Variants in ATP9B observed in about 807,000 individuals in gnomAD.
ATP9B encodes probable phospholipid-transporting ATPase IIB.
Under a neutral mutation model 146.1 loss-of-function variants are expected in ATP9B, and 110 were observed. That is an observed-to-expected ratio of 0.75 (90% CI 0.65 to 0.88). ATP9B has a LOEUF of 0.88. ATP9B is among the 40% of genes least tolerant of loss of function. ATP9B has a pLI of 0.00. For synonymous variants in ATP9B, 604 were observed against 569.7 expected (o/e 1.06, Z -0.86); for missense variants, 1,499 against 1,496.4 (o/e 1.00, Z -0.03).
At chr18:79,245,657 T>TACCGCCCTAGTGACTGTGCGGAGGGC (rs1568483039) in intron 11 of ATP9B, among the ~76,000 whole-genome samples, 1 of 103,854 alleles carries the variant, frequency 9.6e-6, no homozygotes, top group African/African-American at 3.6e-5. Context: ...CTGAGGAGGG[T>TACCGCCCTAGTGACTGTGCGGAGGGC]ACCGCCCTAG....
chr18:79,156,593 T>C (rs55901040), intron 7 of ATP9B, among the ~76,000 whole-genome samples: 10,263 of 152,296 alleles, frequency 0.067, 416 homozygotes, highest in Non-Finnish European at 0.095. Context: ...GGTTAATCTT[T>C]TATGATAGCT....
chr18:79,239,434 C>A lies in ATP9B; in HGVS notation c.1108-13947C>A, dbSNP rs1568470680. Among the ~76,000 whole-genome samples, 2 of 152,170 alleles carry A rather than the reference C, an allele frequency of 1.3e-5. No homozygotes were observed. Among genetic ancestry groups the A allele is most frequent in the Non-Finnish European group, 2.9e-5 (2 of 68,034 alleles). ...CACAAACCATCCTCATAAAACCAAG[C>A]CCCAGAGTGGGTTGTGGTATGAGCA... is the stretch of plus-strand genomic sequence containing the variant. On this transcript the variant is annotated intron_variant, in intron 11 of 29. Coordinates refer to ENST00000426216, the MANE Select transcript of ATP9B (RefSeq NM_198531.5). The surrounding 1 kb of genome is among the most constrained non-coding windows in gnomAD (Gnocchi z 5.1).
chr18:79,163,771 T>C (rs1350007569), intron 7 of ATP9B, among the ~76,000 whole-genome samples: 2 of 152,072 alleles, frequency 1.3e-5, no homozygotes, highest in African/African-American at 2.4e-5. Context: ...ATAATATATG[T>C]CTCTAAAATC....
At chr18:79,299,472 C>T (rs993425096) in intron 13 of ATP9B, among the ~76,000 whole-genome samples, 1 of 152,214 alleles carries the variant, frequency 6.6e-6, no homozygotes, top group East Asian at 1.9e-4. Context: ...TGCCACCACT[C>T]CTGGGAGCAG....
chr18:79,283,106 C>G (rs2096396162), intron 13 of ATP9B, among the ~76,000 whole-genome samples: 1 of 152,202 alleles, frequency 6.6e-6, no homozygotes, highest in South Asian at 2.1e-4. Context: ...TAATTAAGAT[C>G]TTTCTATTTT....
At chr18:79,199,627 G>T (rs1372510070) in intron 9 of ATP9B, among the ~76,000 whole-genome samples, 2 of 152,042 alleles carry the variant, frequency 1.3e-5, no homozygotes, top group African/African-American at 4.8e-5. Context: ...GCTGGGCGTG[G>T]TGGCACATGC....
At chr18:79,211,762 T>TTGG (rs2095586091) in intron 10 of ATP9B, among the ~76,000 whole-genome samples, 1 of 152,134 alleles carries the variant, frequency 6.6e-6, no homozygotes, top group African/African-American at 2.4e-5. Context: ...TAAGAACTGG[T>TTGG]TTGTTGTTGT....
chr18:79,261,042 T>C (rs571008272), intron 12 of ATP9B, among the ~76,000 whole-genome samples: 2 of 152,316 alleles, frequency 1.3e-5, no homozygotes, highest in Non-Finnish European at 2.9e-5. Context: ...GCATGGACCA[T>C]GGCCAGTGTC....
At chr18:79,285,399 C>T (rs1312548138) in intron 13 of ATP9B, among the ~76,000 whole-genome samples, 2 of 152,150 alleles carry the variant, frequency 1.3e-5, no homozygotes, top group African/African-American at 2.4e-5. Context: ...TCATGTGTCT[C>T]TTGGCTGCAT....
Position 79,110,465 on chromosome 18 carries a change from T to C in ATP9B, c.404T>C (p.Ile135Thr), listed in dbSNP as rs746411106. The part of the protein sequence containing the change: ...KCEEKHPRNS[I>T]KNQKYNVFTF... ...GAAGAAAAACATCCCAGGAATTCTATAAAAAATCAAAAATACAATGTGTTT... is the reference window on the plus strand; with the variant it reads ...GAAGAAAAACATCCCAGGAATTCTACAAAAAATCAAAAATACAATGTGTTT... The change falls in exon 3 of 30, where the codon ATA (isoleucine) becomes ACA (threonine). Residue 135 changes from isoleucine (I) to threonine (T), a missense_variant. By Grantham distance (89) the Ile-to-Thr change is moderately conservative. Transcript: ENST00000426216. 6.2e-7 allele frequency: 1 copy of C among 1,613,478 alleles called. No individual in the cohort carries two copies. The highest frequency in any genetic ancestry group is 8.5e-7 in the Non-Finnish European group (1 of 1,179,622).
intron 11 of ATP9B, among the ~76,000 whole-genome samples, chr18:79,237,452 G>C (rs1290600916): frequency 1.3e-5 from 2 of 152,270 alleles, no homozygotes; most frequent in Non-Finnish European, 2.9e-5. Context: ...GCCCTTTCCT[G>C]TGATTGGTCT....
At chr18:79,092,884 A>G (rs1415669574) in intron 1 of ATP9B, among the ~76,000 whole-genome samples, 1 of 152,168 alleles carries the variant, frequency 6.6e-6, no homozygotes, top group Non-Finnish European at 1.5e-5. Context: ...AAAATGTCTG[A>G]TCTAAAATAA....
chr18:79,318,952 G>A (rs1448578355), intron 15 of ATP9B, among the ~76,000 whole-genome samples: 5 of 152,142 alleles, frequency 3.3e-5, no homozygotes, highest in East Asian at 1.9e-4. Context: ...CCTTTAACTC[G>A]TGTCCTTGTG....
intron 15 of ATP9B, among the ~76,000 whole-genome samples, chr18:79,318,157 A>G (rs2096692676): frequency 6.6e-6 from 1 of 152,256 alleles, no homozygotes; most frequent in Non-Finnish European, 1.5e-5. Flanking sequence ...TCATGTATGT[A>G]GCTACTGAAC....
intron 12 of ATP9B, among the ~76,000 whole-genome samples, chr18:79,259,993 T>C (rs1038149612): frequency 1.3e-5 from 2 of 152,156 alleles, no homozygotes; most frequent in Admixed American, 1.3e-4. Context: ...CCAGATCACA[T>C]AAAATGCTAA....
intron 1 of ATP9B, among the ~76,000 whole-genome samples, chr18:79,075,100 G>T (rs1399496058): frequency 1.4e-5 from 2 of 147,744 alleles, no homozygotes; most frequent in African/African-American, 5.1e-5. Flanking sequence ...TTTTTGAGAC[G>T]GAGTCTCACT....
chr18:79,287,983 AGTTT>A (rs576395662), intron 13 of ATP9B, among the ~76,000 whole-genome samples: 2,257 of 151,750 alleles, frequency 0.015, 51 homozygotes, highest in African/African-American at 0.052. Context: ...TCTGAGAGAC[AGTTT>A]GTTATAATTT....
At chr18:79,140,337 G>T (rs1365271880) in intron 5 of ATP9B, among the ~76,000 whole-genome samples, 1 of 152,184 alleles carries the variant, frequency 6.6e-6, no homozygotes, top group East Asian at 1.9e-4. Flanking sequence ...AATTTTTTGG[G>T]GGGGAATTTC....
intron 12 of ATP9B, among the ~76,000 whole-genome samples, chr18:79,273,843 A>G (rs143665290): frequency 8.5e-5 from 13 of 152,336 alleles, no homozygotes; most frequent in Admixed American, 2.6e-4. Context: ...TAATTAAGAG[A>G]TCTGACATTC....
Sources: allele counts gnomAD v4.1 joint callset (sites outside exome capture counted in the v4.1 genomes callset), GRCh38; gene constraint gnomAD v4.1.1; non-coding constraint Gnocchi (gnomAD v3.1); transcripts MANE v1.5; gene names NCBI Gene and HGNC (gene_info 2026-07-23, HGNC 2026-07-21).